UNC5D: variants seen among roughly 807,000 people sequenced by gnomAD.
The protein encoded by UNC5D is netrin receptor UNC5D.
In UNC5D, 39 loss-of-function variants were observed where a neutral mutation model predicts 105.4. The ratio of observed to expected loss-of-function variants is 0.37; its 90% CI spans 0.29 to 0.48. The LOEUF (loss-of-function observed/expected upper bound fraction) is 0.48. Among genes scored for constraint, UNC5D ranks in the 20% least tolerant of loss-of-function variants. The pLI is 0.98. For synonymous variants in UNC5D, 452 were observed against 450.4 expected (o/e 1.00, Z -0.04); for missense variants, 991 against 1,202.4 (o/e 0.82, Z 2.60).
chr8:35,736,532 C>G (rs1829478006), intron 11 of UNC5D, among the ~76,000 whole-genome samples: 1 of 152,032 alleles, frequency 6.6e-6, no homozygotes, highest in African/African-American at 2.4e-5. Flanking sequence ...CTAGGAAAAC[C>G]AAAACCATAG....
intron 12 of UNC5D, among the ~76,000 whole-genome samples, chr8:35,750,141 G>GC (rs1482871443): frequency 6.6e-6 from 1 of 151,422 alleles, no homozygotes; most frequent in East Asian, 1.9e-4. Context: ...CATTTCTTGA[G>GC]TTTTTTTTTC....
At chr8:35,735,914 A>T (rs186536424) in intron 11 of UNC5D, among the ~76,000 whole-genome samples, 16 of 152,368 alleles carry the variant, frequency 1.1e-4, no homozygotes, top group African/African-American at 3.8e-4. Flanking sequence ...AAGCAGGTAT[A>T]TATCTTTTAT....
intron 2 of UNC5D, among the ~76,000 whole-genome samples, chr8:35,553,528 T>C (rs1439156): frequency 0.99 from 150,602 of 152,314 alleles, 74,473 homozygotes; most frequent in Middle Eastern, 1. Flanking sequence ...ATAGCACAAC[T>C]TTTTCTTCCA....
chr8:35,303,963 T>G (rs1007040040), intron 1 of UNC5D, among the ~76,000 whole-genome samples: 2 of 152,136 alleles, frequency 1.3e-5, no homozygotes, highest in Admixed American at 6.6e-5. Context: ...TTGTTTTGTA[T>G]GTTTTGGAGC....
At position 35,444,578 on chromosome 8, in the gene UNC5D, T is replaced by C. The variant is rs1297783746; in HGVS notation, c.104-104714T>C. On this transcript the variant is annotated intron_variant, in intron 1 of 16. Coordinates refer to ENST00000404895, the MANE Select transcript of UNC5D (RefSeq NM_080872.4). ...TCTCTCTTCCCAAATTCATTCATCT[T>C]CTGAAATCAAATTAGAAGAGAAAAC... Among the ~76,000 whole-genome samples the C allele has an allele frequency of 2.0e-5, 3 of 152,030 alleles. No homozygotes were observed. The East Asian group carries it at 5.8e-4, about 29-fold the overall frequency.
At position 35,793,889 on chromosome 8, in the gene UNC5D, G is replaced by T. The variant is rs947365377; in HGVS notation, c.*3326G>T. The T allele has an allele frequency of 1.3e-5, 2 of 152,108 alleles. No homozygotes were observed. Among genetic ancestry groups the T allele is most frequent in the African/African-American group, 2.4e-5 (1 of 41,440 alleles). 9.4% of individuals were successfully genotyped at this position (152,108 alleles called of 1,614,324 possible). A position where few individuals can be genotyped will look rare whatever the true frequency, so the allele number is the denominator to read the frequency against. On this transcript the variant is annotated 3_prime_UTR_variant, in exon 17 of 17. Transcript: ENST00000404895. ...TTTATTATTATTTTTATCTCCAACT[G>T]CAGGTGGTGTCTTTTGCCAAGGTCT...
chr8:35,548,856 G>C (rs556589093), intron 1 of UNC5D, among the ~76,000 whole-genome samples: 1 of 152,184 alleles, frequency 6.6e-6, no homozygotes, highest in African/African-American at 2.4e-5. Flanking sequence ...AGTATCCTCT[G>C]TTATCATCCC....
chr8:35,273,734 G>T (rs1310482144), intron 1 of UNC5D, among the ~76,000 whole-genome samples: 1 of 152,104 alleles, frequency 6.6e-6, no homozygotes, highest in Non-Finnish European at 1.5e-5. Context: ...GAAAATTCTT[G>T]CCACTTGACC....
At chr8:35,769,200 C>T (rs1729738393) in intron 15 of UNC5D, among the ~76,000 whole-genome samples, 1 of 152,128 alleles carries the variant, frequency 6.6e-6, no homozygotes, top group South Asian at 2.1e-4. Context: ...GTCTCAAAGG[C>T]ATGAACTTTC....
chr8:35,670,028 G>A (rs1054760021), intron 4 of UNC5D, among the ~76,000 whole-genome samples: 8 of 152,238 alleles, frequency 5.3e-5, no homozygotes, highest in East Asian at 1.9e-4. Flanking sequence ...GCAGTAAGAC[G>A]TGGAACAGGG....
At chr8:35,641,446 C>T (rs1255671744) in intron 4 of UNC5D, among the ~76,000 whole-genome samples, 1 of 149,036 alleles carries the variant, frequency 6.7e-6, no homozygotes, top group African/African-American at 2.5e-5. Flanking sequence ...GATGGGGTGT[C>T]TGATCAGATC....
intron 1 of UNC5D, among the ~76,000 whole-genome samples, chr8:35,285,650 A>G (rs921676603): frequency 1.3e-5 from 2 of 152,194 alleles, no homozygotes; most frequent in African/African-American, 4.8e-5. Flanking sequence ...AAGAATTGTA[A>G]TCACTGCTGT....
chr8:35,356,041 C>T (rs1423209338), intron 1 of UNC5D, among the ~76,000 whole-genome samples: 1 of 152,148 alleles, frequency 6.6e-6, no homozygotes, highest in Admixed American at 6.6e-5. Context: ...GCCTCAGACT[C>T]TCAAGTAGCT....
chr8:35,586,769 CTA>C (rs2130863959), intron 3 of UNC5D, among the ~76,000 whole-genome samples: 1 of 152,222 alleles, frequency 6.6e-6, no homozygotes, highest in East Asian at 1.9e-4. Flanking sequence ...AAAAAAATGA[CTA>C]TGATTTTTCA....
chr8:35,414,660 A>T (rs75401072), intron 1 of UNC5D, among the ~76,000 whole-genome samples: 3,250 of 152,200 alleles, frequency 0.021, 122 homozygotes, highest in African/African-American at 0.075. Context: ...CTTCTTGAAA[A>T]ATAATTCATT....
At chr8:35,560,437 A>G (rs1294756910) in intron 2 of UNC5D, among the ~76,000 whole-genome samples, 1 of 152,262 alleles carries the variant, frequency 6.6e-6, no homozygotes, top group East Asian at 1.9e-4. Flanking sequence ...ACACTCATGT[A>G]CTATTACATA....
intron 1 of UNC5D, among the ~76,000 whole-genome samples, chr8:35,425,402 T>G (rs535837223): frequency 3.5e-4 from 53 of 152,248 alleles, no homozygotes; most frequent in Non-Finnish European, 5.4e-4. Flanking sequence ...TTCAGCTCCT[T>G]AGAGCTTCTG....
chr8:35,728,095 A>AATATATATATATATATAT (rs1554596595), intron 10 of UNC5D, among the ~76,000 whole-genome samples: 1 of 110,366 alleles, frequency 9.1e-6, no homozygotes, highest in African/African-American at 5.5e-5. Context: ...AAAAAAAAAA[A>AATATATATATATATATAT]ATATATATAT....
intron 1 of UNC5D, among the ~76,000 whole-genome samples, chr8:35,317,647 T>G (rs1400709368): frequency 6.6e-6 from 1 of 152,108 alleles, no homozygotes. Flanking sequence ...CACTCTCTCT[T>G]GCCTCCATGG....
Sources: allele counts gnomAD v4.1 joint callset (sites outside exome capture counted in the v4.1 genomes callset), GRCh38; gene constraint gnomAD v4.1.1; transcripts MANE v1.5; gene names NCBI Gene and HGNC (gene_info 2026-07-23, HGNC 2026-07-21).